Variants in CACNA1I observed in about 807,000 individuals in gnomAD.
CACNA1I encodes calcium voltage-gated channel subunit alpha1 I, also known as voltage-dependent T-type calcium channel subunit alpha-1I.
A neutral mutation model predicts 201.6 loss-of-function variants in CACNA1I; 74 were observed. That is an observed-to-expected ratio of 0.37 (90% confidence interval 0.30 to 0.45). The LOEUF is 0.45. Ranked by LOEUF, CACNA1I falls within the 20% of genes least tolerant of loss-of-function variation. The pLI, the probability that CACNA1I is intolerant of heterozygous loss-of-function variation, is 1.00. For synonymous variants in CACNA1I, 1,431 were observed against 1,345.2 expected (o/e 1.06, Z -1.40); for missense variants, 2,346 against 3,138.1 (o/e 0.75, Z 6.03).
chr22:39,603,595 A>G (rs2146373515), intron 3 of CACNA1I, among the ~76,000 whole-genome samples: 1 of 152,124 alleles, frequency 6.6e-6, no homozygotes, highest in South Asian at 2.1e-4. Context: ...TATTCACCTG[A>G]ATCTCCTTAT....
chr22:39,678,544 G>C (rs968498332), intron 31 of CACNA1I, among the ~76,000 whole-genome samples: 2 of 152,148 alleles, frequency 1.3e-5, no homozygotes, highest in African/African-American at 2.4e-5. Context: ...CCTCGGTTCC[G>C]GGGCCCTAGG....
intron 4 of CACNA1I, among the ~76,000 whole-genome samples, chr22:39,622,109 T>G (rs1933759202): frequency 6.6e-6 from 1 of 151,780 alleles, no homozygotes. Context: ...GTGCCCCACC[T>G]GACTTTACTG....
In CACNA1I at chr22:39,640,942, G is replaced by A. The variant is rs192152982; in HGVS notation, c.816G>A (p.Ser272=). Residue 272 remains serine (S), a synonymous_variant, in exon 6 of 37, where the codon TCG becomes TCA. Transcript: ENST00000402142. The stretch of plus-strand genomic sequence containing the variant: ...AGATGCCCTTCATCTGCTCCCTGTC[G>A]GGCGACAATGGGATAATGGGCTGCC... ...DDEMPFICSL[S]GDNGIMGCHE... 1.6e-3 allele frequency: 2,555 copies of A among 1,613,898 alleles called. 2 individuals are homozygous for A. Among genetic ancestry groups the A allele is most frequent in the Non-Finnish European group, 1.9e-3 (2,261 of 1,179,864 alleles).
intron 27 of CACNA1I, 127 bp from the exon 28 acceptor site, chr22:39,672,822 C>A (rs1935410526): frequency 1.0e-6 from 1 of 981,616 alleles, no homozygotes; most frequent in Non-Finnish European, 1.5e-6. Context: ...TAAGGGAGGG[C>A]AGCCACACAG....
intron 10 of CACNA1I, among the ~76,000 whole-genome samples, chr22:39,651,194 G>T (rs994405647): frequency 6.6e-6 from 1 of 152,140 alleles, no homozygotes; most frequent in Non-Finnish European, 1.5e-5. Flanking sequence ...GGCCAGGTTC[G>T]AACCAACTTC....
At chr22:39,661,650 C>T (rs962592123) in intron 16 of CACNA1I, among the ~76,000 whole-genome samples, 2 of 152,264 alleles carry the variant, frequency 1.3e-5, no homozygotes, top group African/African-American at 4.8e-5. Context: ...GAGCAAATTA[C>T]TGCCCTTCTC....
At position 39,670,135 on chromosome 22, in the gene CACNA1I, TGGA is replaced by T; in HGVS notation, c.4294_4296del (p.Glu1432del). The T allele has an allele frequency of 6.2e-7, 1 of 1,613,948 alleles. No individual in the cohort carries two copies. The highest frequency in any genetic ancestry group is 8.5e-7 in the Non-Finnish European group (1 of 1,179,890). On this transcript the variant is annotated inframe_deletion, in exon 25 of 37. Coordinates refer to ENST00000402142, the MANE Select transcript of CACNA1I (RefSeq NM_021096.4). Reference sequence around the variant, plus strand: ...CTCAACATGTTTGTGGGTGTCGTGGTGGAGAACTTCCACAAGTGCCGGCAGCAC... The same window carrying T: ...CTCAACATGTTTGTGGGTGTCGTGGTGAACTTCCACAAGTGCCGGCAGCAC...
chr22:39,574,564 G>A (rs1393454801), intron 1 of CACNA1I, among the ~76,000 whole-genome samples: 2 of 152,126 alleles, frequency 1.3e-5, no homozygotes, highest in African/African-American at 2.4e-5. Context: ...CTCTGTGGGA[G>A]GGGGCCTGGG....
At chr22:39,658,789 C>A in intron 11 of CACNA1I, 142 bp from the exon 12 acceptor site, 1 of 724,784 alleles carries the variant, frequency 1.4e-6, no homozygotes, top group Non-Finnish European at 2.3e-6. Flanking sequence ...TGGCGTGGAG[C>A]AGCATCCAAC....
Position 39,646,748 on chromosome 22 carries a change from C to A in CACNA1I, c.1329C>A (p.Cys443Ter). The change falls in exon 8 of 37, where the codon TGC (cysteine) becomes TGA (stop). Residue 443 changes from cysteine to a stop codon, truncating the protein, a stop_gained. Coordinates refer to ENST00000402142, the MANE Select transcript of CACNA1I (RefSeq NM_021096.4). LOFTEE classifies it high-confidence loss of function. ...DCYEEIFQYV[C>*]HILRKAKRRA... is the part of the protein sequence containing the mutation. ...ACGAGGAGATCTTCCAGTATGTCTG[C>A]CACATCCTGCGCAAGGCCAAGCGCC... 1 of 1,596,084 alleles carries A rather than the reference C, an allele frequency of 6.3e-7. No individual in the cohort carries two copies. The highest frequency in any genetic ancestry group is 8.5e-7 in the Non-Finnish European group (1 of 1,171,738).
rs746240138 is a variant in CACNA1I, at chr22:39,649,973, C to T, written c.1992+48C>T. Reference sequence around the variant, plus strand: ...GGGCCTGCGGGAGAGGTGTGAGGGCCCCAGGACCCTGCCCAGGCCTGGGCA... The same window carrying T: ...GGGCCTGCGGGAGAGGTGTGAGGGCTCCAGGACCCTGCCCAGGCCTGGGCA... On this transcript the variant is annotated intron_variant, in intron 10 of 36. Transcript: ENST00000402142. The surrounding 1 kb of genome is among the most constrained non-coding windows in gnomAD (Gnocchi z 7.3). 2 of 1,600,164 alleles carry T rather than the reference C, an allele frequency of 1.2e-6. No homozygotes were observed. Among genetic ancestry groups the T allele is most frequent in the Admixed American group, 3.3e-5 (2 of 59,808 alleles).
At chr22:39,571,613 C>G (rs886442920) in intron 1 of CACNA1I, among the ~76,000 whole-genome samples, 2 of 152,220 alleles carry the variant, frequency 1.3e-5, no homozygotes, top group Admixed American at 6.5e-5. Flanking sequence ...TGGCTTCCCC[C>G]CTGTGCTCTT....
intron 7 of CACNA1I, among the ~76,000 whole-genome samples, chr22:39,643,899 A>T (rs1429905018): frequency 6.6e-6 from 1 of 152,230 alleles, no homozygotes; most frequent in Admixed American, 6.5e-5. Flanking sequence ...CTAGGAACAG[A>T]GCAGTGAGTA....
chr22:39,659,330 C>T lies in CACNA1I; in HGVS notation c.2331-103C>T. 1 of 970,790 alleles carries T rather than the reference C, an allele frequency of 1.0e-6. No individual in the cohort carries two copies. Among genetic ancestry groups the T allele is most frequent in the South Asian group, 1.5e-5 (1 of 66,722 alleles). The allele number at this position is 970,790 out of a possible 1,614,324, so 60.1% of individuals were successfully genotyped here. A position where few individuals can be genotyped will look rare whatever the true frequency, so the allele number is the denominator to read the frequency against. On this transcript the variant is annotated intron_variant, in intron 12 of 36. Transcript: ENST00000402142. This position sits in a 1 kb window ranked among gnomAD's most constrained non-coding sequence, Gnocchi z 4.3. The stretch of plus-strand genomic sequence containing the variant: ...TAAAATGGGACCAACGCTGCCCCGC[C>T]TCCCCCTGCCCTGCATTTTACTGAG...
intron 7 of CACNA1I, 145 bp from the exon 8 acceptor site, chr22:39,646,424 C>T: frequency 7.8e-7 from 1 of 1,285,184 alleles, no homozygotes; most frequent in Non-Finnish European, 1.1e-6. Flanking sequence ...TCTGTACCGC[C>T]ATCTCCATCT....
rs1164300374 is a variant in CACNA1I at position 39,658,144 on chromosome 22, C to T, written c.1993-8C>T. The T allele has an allele frequency of 2.5e-6, 4 of 1,613,320 alleles. No homozygotes were observed. The South Asian group carries it at 4.4e-5, about 18-fold the overall frequency. ...CGGGTCTCCATTCCCCACCCCAATGCCCCACAGCCGGAGGAGCTGACCAAC... is the reference window on the plus strand; with the variant it reads ...CGGGTCTCCATTCCCCACCCCAATGTCCCACAGCCGGAGGAGCTGACCAAC... On this transcript the variant is annotated splice_polypyrimidine_tract_variant and splice_region_variant and intron_variant, in intron 10 of 36. Transcript: ENST00000402142.
intron 1 of CACNA1I, among the ~76,000 whole-genome samples, chr22:39,577,378 C>T (rs1480482703): frequency 2.0e-5 from 3 of 152,220 alleles, no homozygotes; most frequent in Non-Finnish European, 4.4e-5. Context: ...TGCCCATGCA[C>T]CTGGTGGAGA....
chr22:39,666,065 C>G lies in CACNA1I; in HGVS notation c.4104+59C>G. The G allele has an allele frequency of 6.4e-7, 1 of 1,568,122 alleles. No homozygotes were observed. Among genetic ancestry groups the G allele is most frequent in the Non-Finnish European group, 8.7e-7 (1 of 1,153,660 alleles). On this transcript the variant is annotated intron_variant, in intron 23 of 36. Coordinates refer to ENST00000402142, the MANE Select transcript of CACNA1I (RefSeq NM_021096.4). The surrounding 1 kb of genome is among the most constrained non-coding windows in gnomAD (Gnocchi z 4.1). ...TCCCCTCTCTTGGATGCCAGTGGCT[C>G]TGGGAATCACAGACCTGGCTTGTCT...
In CACNA1I at chr22:39,629,812, G is replaced by A. The variant is rs574502049; in HGVS notation, c.581-4753G>A. On this transcript the variant is annotated intron_variant, in intron 4 of 36. Coordinates refer to ENST00000402142, the MANE Select transcript of CACNA1I (RefSeq NM_021096.4). This position sits in a 1 kb window ranked among gnomAD's most constrained non-coding sequence, Gnocchi z 4.8. The stretch of plus-strand genomic sequence containing the variant: ...CGTTCGGGGCGCTGTCCACAGGGGC[G>A]TCTGCACAGGATCCTGCAGACTGTG... Among the ~76,000 whole-genome samples the A allele has an allele frequency of 6.6e-6, 1 of 152,282 alleles. No homozygotes were observed. The highest frequency in any genetic ancestry group is 1.5e-5 in the Non-Finnish European group (1 of 68,012).
Sources: allele counts gnomAD v4.1 joint callset (sites outside exome capture counted in the v4.1 genomes callset), GRCh38; gene constraint gnomAD v4.1.1; non-coding constraint Gnocchi (gnomAD v3.1); transcripts MANE v1.5; gene names NCBI Gene and HGNC (gene_info 2026-07-23, HGNC 2026-07-21).